Variants in SMARCC1 observed in about 807,000 individuals in gnomAD.
The protein encoded by SMARCC1 is SWI/SNF complex subunit SMARCC1.
A neutral mutation model predicts 147.4 loss-of-function variants in SMARCC1; 43 were observed. The observed-to-expected ratio is 0.29, with a 90% CI of 0.23 to 0.38. SMARCC1 has a LOEUF of 0.38. Among genes scored for constraint, SMARCC1 ranks in the 10% least tolerant of loss-of-function variants. The probability of loss-of-function intolerance (pLI) is 1.00; values close to 1 mark genes in which losing one functional copy is unlikely to be tolerated. For synonymous variants in SMARCC1, 495 were observed against 484.4 expected (o/e 1.02, Z -0.29); for missense variants, 1,119 against 1,381.1 (o/e 0.81, Z 3.01).
At chr3:47,594,173 A>AT (rs1314953237) in intron 26 of SMARCC1, among the ~76,000 whole-genome samples, 2 of 151,944 alleles carry the variant, frequency 1.3e-5, no homozygotes, top group Non-Finnish European at 2.9e-5. Flanking sequence ...AAAAAAAAAA[A>AT]AATAGGAATT....
intron 24 of SMARCC1, among the ~76,000 whole-genome samples, chr3:47,624,143 T>C (rs1294568625): frequency 1.3e-5 from 2 of 151,858 alleles, no homozygotes; most frequent in Non-Finnish European, 2.9e-5. Flanking sequence ...ATTAAAAAAT[T>C]AGCTGGGTGT....
chr3:47,610,022 G>A (rs1226462393), intron 26 of SMARCC1, 44 bp downstream of exon 26: 2 of 1,604,034 alleles, frequency 1.2e-6, no homozygotes, highest in Admixed American at 3.3e-5. Flanking sequence ...CTGTGCCTCT[G>A]TAGTGACCAT....
intron 17 of SMARCC1, 141 bp from the exon 18 acceptor site, chr3:47,675,729 C>G: frequency 1.9e-6 from 1 of 527,144 alleles, no homozygotes; most frequent in Non-Finnish European, 3.4e-6. Context: ...AGGCGGATCA[C>G]AAGGTCAGGA....
chr3:47,778,291 T>G (rs2035001719), intron 1 of SMARCC1, among the ~76,000 whole-genome samples: 1 of 151,582 alleles, frequency 6.6e-6, no homozygotes, highest in Non-Finnish European at 1.5e-5. Flanking sequence ...TTTTTTTTGT[T>G]TTTGTTTTTT....
intron 3 of SMARCC1, among the ~76,000 whole-genome samples, chr3:47,741,189 C>T (rs377650852): frequency 5.3e-5 from 8 of 151,584 alleles, no homozygotes; most frequent in Non-Finnish European, 1.2e-4. Flanking sequence ...TTCAGTAGAG[C>T]GGGAGGTACT....
chr3:47,675,751 GC>G (rs2033562500), intron 17 of SMARCC1, among the ~76,000 whole-genome samples, 163 bp from the exon 18 acceptor site: 1 of 152,068 alleles, frequency 6.6e-6, no homozygotes, highest in Non-Finnish European at 1.5e-5. Flanking sequence ...TTCAAGACCA[GC>G]CTGACCAACG....
At chr3:47,599,302 G>T (rs534353244) in intron 26 of SMARCC1, among the ~76,000 whole-genome samples, 2 of 152,138 alleles carry the variant, frequency 1.3e-5, no homozygotes, top group East Asian at 3.9e-4. Flanking sequence ...AGAATCACTT[G>T]AACCCGGGAG....
chr3:47,761,560 T>C (rs2034773164), intron 2 of SMARCC1, among the ~76,000 whole-genome samples: 1 of 152,146 alleles, frequency 6.6e-6, no homozygotes, highest in African/African-American at 2.4e-5. Context: ...AGCTATTCCC[T>C]CCCTGCTAGA....
At chr3:47,603,876 C>T in intron 26 of SMARCC1, 1 of 357,570 alleles carries the variant, frequency 2.8e-6, no homozygotes, top group Non-Finnish European at 5.5e-6. Context: ...TAGGAAGAAA[C>T]CAAGTTGGGA....
chr3:47,755,865 C>T (rs1257982419), intron 2 of SMARCC1, among the ~76,000 whole-genome samples: 1 of 151,826 alleles, frequency 6.6e-6, no homozygotes, highest in Admixed American at 6.6e-5. Context: ...TGGCAGGCAC[C>T]TGTAATCCCA....
intron 26 of SMARCC1, among the ~76,000 whole-genome samples, chr3:47,607,873 C>T (rs1422524277): frequency 1.3e-5 from 2 of 152,046 alleles, no homozygotes; most frequent in African/African-American, 4.8e-5. Context: ...TGAGACCCAA[C>T]CTCTTTTAAG....
intron 2 of SMARCC1, among the ~76,000 whole-genome samples, chr3:47,753,992 G>A (rs2034659541): frequency 1.3e-5 from 2 of 152,000 alleles, no homozygotes; most frequent in Non-Finnish European, 2.9e-5. Flanking sequence ...AAAATAAAAT[G>A]ACACACGTCA....
chr3:47,658,675 T>C (rs1273928259), intron 21 of SMARCC1, among the ~76,000 whole-genome samples: 2 of 152,224 alleles, frequency 1.3e-5, no homozygotes, highest in African/African-American at 2.4e-5. Context: ...TATCAGATGA[T>C]GGACATTCCA....
At chr3:47,707,789 G>C (rs1474149159) in intron 9 of SMARCC1, among the ~76,000 whole-genome samples, 1 of 152,156 alleles carries the variant, frequency 6.6e-6, no homozygotes, top group Non-Finnish European at 1.5e-5. Context: ...TGAGCCGGGA[G>C]GATAGCTTGT....
intron 21 of SMARCC1, 70 bp from the exon 22 acceptor site, chr3:47,638,850 G>T (rs962441460): frequency 1.9e-6 from 2 of 1,026,920 alleles, no homozygotes; most frequent in South Asian, 2.5e-5. Flanking sequence ...ATACAGCTGT[G>T]AGAGTGTCTG....
At chr3:47,776,645 T>C (rs1268381297) in intron 1 of SMARCC1, among the ~76,000 whole-genome samples, 3 of 151,952 alleles carry the variant, frequency 2.0e-5, no homozygotes, top group Non-Finnish European at 4.4e-5. Context: ...AACTAAACAA[T>C]GCCAAACTCT....
chr3:47,705,476 T>TA (rs761468675), intron 10 of SMARCC1, among the ~76,000 whole-genome samples: 2 of 152,172 alleles, frequency 1.3e-5, no homozygotes, highest in Non-Finnish European at 2.9e-5. Flanking sequence ...GTAACTTGCT[T>TA]AATAATATAT....
intron 10 of SMARCC1, among the ~76,000 whole-genome samples, chr3:47,703,809 G>GT (rs1343254196): frequency 6.6e-6 from 1 of 151,978 alleles, no homozygotes; most frequent in African/African-American, 2.4e-5. Flanking sequence ...TTTTGTTTTT[G>GT]TTTTTGAGAT....
intron 24 of SMARCC1, among the ~76,000 whole-genome samples, chr3:47,625,944 G>A (rs1384825677): frequency 1.3e-5 from 2 of 151,992 alleles, no homozygotes; most frequent in African/African-American, 4.8e-5. Flanking sequence ...AATCGCCTGA[G>A]GCCAGGAGTT....
Sources: gnomAD v4.1 joint callset for allele counts (sites outside exome capture counted in the v4.1 genomes callset) on GRCh38, gnomAD v4.1.1 for gene constraint, MANE v1.5 for transcripts, NCBI Gene and HGNC (gene_info 2026-07-23, HGNC 2026-07-21) for gene names.